The following LRRC37A2 variants were observed in gnomAD, a reference collection of about 807,000 sequenced individuals.
LRRC37A2 encodes the protein leucine-rich repeat-containing protein 37A2.
Under a neutral mutation model 68.8 loss-of-function variants are expected in LRRC37A2, and 9 were observed. That is an observed-to-expected ratio of 0.13 (90% CI 0.08 to 0.23). The LOEUF is 0.23. Among genes scored for constraint, LRRC37A2 ranks in the 10% least tolerant of loss-of-function variants. The probability of loss-of-function intolerance (pLI) is 1.00; values close to 1 mark genes in which losing one functional copy is unlikely to be tolerated. For synonymous variants in LRRC37A2, 63 were observed against 367.6 expected (o/e 0.17, Z 9.48); for missense variants, 168 against 950.4 (o/e 0.18, Z 10.82).
At chr17:46,631,080 A>ACACACACACACACG in the LRRC37A2 span, among the ~76,000 whole-genome samples, 8 of 144,108 alleles carry the variant, frequency 5.6e-5, no homozygotes, top group African/African-American at 2.3e-4. Context: ...ACACACACAC[A>ACACACACACACACG]CACACACACA....
chr17:47,012,419 A>G, the LRRC37A2 span, among the ~76,000 whole-genome samples: 412 of 152,306 alleles, frequency 2.7e-3, 2 homozygotes, highest in African/African-American at 9.5e-3. Flanking sequence ...TTGGGGCTTC[A>G]AAGAACACCA....
the LRRC37A2 span, chr17:46,939,857 T>C: frequency 6.0e-6 from 6 of 993,796 alleles, no homozygotes; most frequent in Non-Finnish European, 7.2e-6. Flanking sequence ...CAATCTGTCC[T>C]GAAGTCCATC....
At chr17:46,799,694 C>A in the LRRC37A2 span, among the ~76,000 whole-genome samples, 30 of 152,280 alleles carry the variant, frequency 2.0e-4, 2 homozygotes, top group South Asian at 6.2e-3. Context: ...ATGATCTGTC[C>A]GCCTTGGCCT....
the LRRC37A2 span, among the ~76,000 whole-genome samples, chr17:46,844,577 CA>C: frequency 6.6e-6 from 1 of 152,088 alleles, no homozygotes; most frequent in Non-Finnish European, 1.5e-5. Flanking sequence ...AAACTAACTG[CA>C]AAGGATTGCA....
the LRRC37A2 span, among the ~76,000 whole-genome samples, chr17:46,826,781 CTT>C: frequency 0.36 from 42,366 of 117,852 alleles, 7,057 homozygotes; most frequent in East Asian, 0.62. Flanking sequence ...ATCAGCTGCT[CTT>C]TTTTTTTTTT....
chr17:46,568,424 C>G, the LRRC37A2 span, among the ~76,000 whole-genome samples: 1 of 122,122 alleles, frequency 8.2e-6, no homozygotes, highest in Admixed American at 8.4e-5. Context: ...AGGAAATCCA[C>G]AGATAGCCAA....
chr17:46,821,791 C>G, the LRRC37A2 span, among the ~76,000 whole-genome samples: 1 of 152,200 alleles, frequency 6.6e-6, no homozygotes, highest in Non-Finnish European at 1.5e-5. Flanking sequence ...CTCGGAGGTT[C>G]CTTTTGATGT....
chr17:46,767,954 AATTTTT>A, the LRRC37A2 span, among the ~76,000 whole-genome samples: 3 of 152,096 alleles, frequency 2.0e-5, no homozygotes, highest in Non-Finnish European at 2.9e-5. Flanking sequence ...ACGCCCGGCT[AATTTTT>A]GTAGTTTTAG....
chr17:46,784,419 A>G, the LRRC37A2 span, among the ~76,000 whole-genome samples: 1 of 152,096 alleles, frequency 6.6e-6, no homozygotes, highest in Admixed American at 6.5e-5. Context: ...GTAAGGAGCT[A>G]AAAGTTGAAT....
the LRRC37A2 span, among the ~76,000 whole-genome samples, chr17:46,989,473 C>G: frequency 3.7e-4 from 56 of 152,328 alleles, no homozygotes; most frequent in African/African-American, 1.3e-3. Flanking sequence ...GCTTCCCCTG[C>G]CCCCCAGATA....
the LRRC37A2 span, among the ~76,000 whole-genome samples, chr17:46,497,054 T>C: frequency 7.5e-6 from 1 of 132,866 alleles, no homozygotes; most frequent in Admixed American, 7.7e-5. Context: ...ATGATATTCA[T>C]TTATTTTTTA....
chr17:46,583,638 A>C, the LRRC37A2 span, among the ~76,000 whole-genome samples: 1 of 73,544 alleles, frequency 1.4e-5, no homozygotes, highest in East Asian at 2.5e-4. Flanking sequence ...GAAGGGAAAG[A>C]AGGAGAGTAT....
the LRRC37A2 span, among the ~76,000 whole-genome samples, chr17:46,732,097 A>G: frequency 6.6e-6 from 1 of 152,250 alleles, no homozygotes; most frequent in African/African-American, 2.4e-5. Context: ...AGAAATGCAT[A>G]GAGTGATAGA....
chr17:46,910,385 C>A, the LRRC37A2 span, among the ~76,000 whole-genome samples: 2 of 152,132 alleles, frequency 1.3e-5, no homozygotes, highest in Non-Finnish European at 2.9e-5. Context: ...GGAGTCAATT[C>A]ACTGATATTT....
chr17:46,731,319 C>T, the LRRC37A2 span, among the ~76,000 whole-genome samples: 1 of 151,928 alleles, frequency 6.6e-6, no homozygotes. Context: ...TTTGGGATGG[C>T]CTAGGGCTGG....
At chr17:46,990,724 G>A in the LRRC37A2 span, among the ~76,000 whole-genome samples, 3 of 151,836 alleles carry the variant, frequency 2.0e-5, no homozygotes, top group East Asian at 1.9e-4. Flanking sequence ...AGGCTAGAGT[G>A]CAGTGGCACG....
chr17:46,975,013 T>TTTA, the LRRC37A2 span, among the ~76,000 whole-genome samples: 2 of 92,200 alleles, frequency 2.2e-5, no homozygotes, highest in Non-Finnish European at 2.4e-5. Context: ...TTTTTTTTTT[T>TTTA]ATGTCCAGGG....
chr17:46,711,273 G>T, the LRRC37A2 span, among the ~76,000 whole-genome samples: 1 of 152,170 alleles, frequency 6.6e-6, no homozygotes, highest in Non-Finnish European at 1.5e-5. Context: ...TACCAATATT[G>T]TGTACAAATT....
the LRRC37A2 span, among the ~76,000 whole-genome samples, chr17:46,904,664 T>C: frequency 6.6e-6 from 1 of 152,238 alleles, no homozygotes; most frequent in Admixed American, 6.5e-5. Flanking sequence ...CATGGCAACC[T>C]TATCACAGCA....
Sources: gnomAD v4.1 joint callset for allele counts (sites outside exome capture counted in the v4.1 genomes callset) on GRCh38, gnomAD v4.1.1 for gene constraint, MANE v1.5 for transcripts, NCBI Gene and HGNC (gene_info 2026-07-23, HGNC 2026-07-21) for gene names.